The following TBX3 variants were observed in gnomAD, a reference collection of about 807,000 sequenced individuals.
The protein encoded by TBX3 is T-box transcription factor 3, also known as T-box transcription factor TBX3.
A neutral mutation model predicts 47.8 loss-of-function variants in TBX3; 11 were observed. The ratio of observed to expected loss-of-function variants is 0.23; its 90% CI spans 0.14 to 0.38. The LOEUF is 0.38. Ranked by LOEUF, TBX3 falls within the 10% of genes least tolerant of loss-of-function variation. The pLI is 1.00. For missense variants in TBX3, 927 were observed against 1,022.8 expected (o/e 0.91, Z 1.28); for synonymous variants, 500 against 449.3 (o/e 1.11, Z -1.43).
At position 114,680,882 on chromosome 12, in the gene TBX3, T is replaced by C. The variant is rs1457169524; in HGVS notation, c.654A>G (p.Gly218=). The C allele has an allele frequency of 3.7e-6, 6 of 1,613,988 alleles. No individual in the cohort carries two copies. Among genetic ancestry groups the C allele is most frequent in the East Asian group, 4.5e-5 (2 of 44,886 alleles). Residue 218 remains glycine (G), a synonymous_variant, in exon 2 of 7, where the codon GGA becomes GGG. Coordinates refer to ENST00000349155, the MANE Select transcript of TBX3 (RefSeq NM_005996.4). ...TGAAGAGAGCAATGAAACTTACAAA[T>C]CCATGTTTGTCTGAAATGTTGTTGG... is the stretch of plus-strand genomic sequence containing the variant. The part of the protein sequence containing the change: ...KLTNNISDKH[G]FTILNSMHKY...
At chr12:114,680,035 AC>A in intron 2 of TBX3, 3 of 1,557,654 alleles carry the variant, frequency 1.9e-6, no homozygotes, top group Non-Finnish European at 2.7e-6. Flanking sequence ...TTAAGCGCCC[AC>A]TAATTGACGA....
intron 2 of TBX3, chr12:114,680,110 A>C: frequency 1.2e-6 from 1 of 845,302 alleles, no homozygotes; most frequent in Non-Finnish European, 1.9e-6. Flanking sequence ...CCTTAATCAA[A>C]TCAAGGGCTT....
In TBX3 at chr12:114,677,512, A is replaced by T. The variant is rs184878027; in HGVS notation, c.881+68T>A. 8.1e-6 allele frequency: 12 copies of T among 1,484,790 alleles called. No homozygotes were observed. The Admixed American group carries it at 1.9e-4, about 23-fold the overall frequency. The allele number at this position is 1,484,790 out of a possible 1,614,324, so 92.0% of individuals were successfully genotyped here. A position where few individuals can be genotyped will look rare whatever the true frequency, so the allele number is the denominator to read the frequency against. On this transcript the variant is annotated intron_variant, in intron 4 of 6. Coordinates refer to ENST00000349155, the MANE Select transcript of TBX3 (RefSeq NM_005996.4). ...TAAGTGCCTGCATCTCACTTCTAAC[A>T]CTTCAGAGTTGGATCCTAAAAAAAG...
Position 114,683,226 on chromosome 12 carries a change from C to T in TBX3, c.-26G>A. 4 of 1,605,808 alleles carry T rather than the reference C, an allele frequency of 2.5e-6. No individual in the cohort carries two copies. Among genetic ancestry groups the T allele is most frequent in the Non-Finnish European group, 3.4e-6 (4 of 1,175,114 alleles). On this transcript the variant is annotated 5_prime_UTR_variant, in exon 1 of 7. Transcript: ENST00000349155. This position sits in a 1 kb window ranked among gnomAD's most constrained non-coding sequence, Gnocchi z 7.7. ...CCACTCCAGGCGGGGCGCTGGGCTC[C>T]AGCCGGGGACAAGTCCGCAGCTGCT...
chr12:114,672,443 T>G, intron 6 of TBX3, 141 bp from the exon 7 acceptor site: 1 of 495,040 alleles, frequency 2.0e-6, no homozygotes, highest in Non-Finnish European at 3.1e-6. Flanking sequence ...TGTGTTTTTT[T>G]TTTTGGGGGG....
chr12:114,678,467 G>T (rs1024495464), intron 3 of TBX3, among the ~76,000 whole-genome samples: 1 of 152,150 alleles, frequency 6.6e-6, no homozygotes, highest in African/African-American at 2.4e-5. Context: ...GGGGACCCTT[G>T]GTTGGATTCA....
chr12:114,675,484 T>G (rs1453110524), intron 5 of TBX3, among the ~76,000 whole-genome samples: 1 of 152,182 alleles, frequency 6.6e-6, no homozygotes, highest in Admixed American at 6.5e-5. Context: ...CGATCATAGA[T>G]TCTTTTTTCG....
In TBX3 at chr12:114,671,682, T is replaced by C. The variant is rs1021792944; in HGVS notation, c.*159A>G. ...AACCACGCCAAGAAGACAGGGGCTG[T>C]CTCTAGCACATTCTCTCGAGGGAGT... On this transcript the variant is annotated 3_prime_UTR_variant, in exon 7 of 7. Transcript: ENST00000349155. The C allele has an allele frequency of 1.2e-6, 1 of 856,404 alleles. No individual in the cohort carries two copies. Among genetic ancestry groups the C allele is most frequent in the Non-Finnish European group, 1.9e-6 (1 of 535,714 alleles). 53.1% of individuals were successfully genotyped at this position (856,404 alleles called of 1,614,324 possible).
chr12:114,676,726 G>C (rs1356488150), intron 4 of TBX3, among the ~76,000 whole-genome samples: 1 of 152,234 alleles, frequency 6.6e-6, no homozygotes, highest in African/African-American at 2.4e-5. Context: ...ATTTATTCAA[G>C]ATGGGGTTTC....
chr12:114,678,776 C>T (rs1382955037), intron 3 of TBX3, among the ~76,000 whole-genome samples: 3 of 152,148 alleles, frequency 2.0e-5, no homozygotes, highest in African/African-American at 7.2e-5. Flanking sequence ...TTTTTCTGTG[C>T]CCATGACCTT....
chr12:114,684,039 G>GA lies in TBX3; in HGVS notation c.-840dup, dbSNP rs1325117126. ...GCAGGGCAGGGAGGATTTAGAGGGG[G>GA]AAAAAATGGAACAGAGGGAAAGAGA... On this transcript the variant is annotated 5_prime_UTR_variant, in exon 1 of 7. Coordinates refer to ENST00000349155, the MANE Select transcript of TBX3 (RefSeq NM_005996.4). The GA allele has an allele frequency of 2.6e-5, 6 of 228,806 alleles. No homozygotes were observed. The highest frequency in any genetic ancestry group is 1.8e-4 in the South Asian group (1 of 5,444). The allele number at this position is 228,806 out of a possible 1,614,324, so 14.2% of individuals were successfully genotyped here. A position where few individuals can be genotyped will look rare whatever the true frequency, so the allele number is the denominator to read the frequency against.
chr12:114,676,177 TGGC>T, intron 5 of TBX3, 133 bp downstream of exon 5: 6 of 1,144,546 alleles, frequency 5.2e-6, no homozygotes, highest in Admixed American at 4.4e-5. Context: ...TTTTGAACTC[TGGC>T]TTCTGTTTAA....
intron 3 of TBX3, among the ~76,000 whole-genome samples, chr12:114,678,019 TTCAC>T (rs992611045): frequency 1.8e-5 from 2 of 108,568 alleles, no homozygotes; most frequent in African/African-American, 6.9e-5. Context: ...GCATACTCCC[TTCAC>T]ACACACACAC....
In TBX3 at chr12:114,674,271, C is replaced by T. The variant is rs2121382322; in HGVS notation, c.1604G>A (p.Gly535Asp). 6.3e-7 allele frequency: 1 copy of T among 1,580,266 alleles called. No individual in the cohort carries two copies. The highest frequency in any genetic ancestry group is 8.6e-7 in the Non-Finnish European group (1 of 1,163,492). Residue 535 changes from glycine to aspartate, a missense_variant, in exon 6 of 7, where the codon GGC becomes GAC. Gly to Asp is a moderately conservative substitution (Grantham distance 94). Coordinates refer to ENST00000349155, the MANE Select transcript of TBX3 (RefSeq NM_005996.4). ...AGAGGCCATGGCCGTGGAATCCAGGCCCGAGACACCGGTGGAGGCCCCAGA... is the reference window on the plus strand; with the variant it reads ...AGAGGCCATGGCCGTGGAATCCAGGTCCGAGACACCGGTGGAGGCCCCAGA... ...TVSGASTGVSGLDSTAMASAA... is the reference protein window; with the variant it reads ...TVSGASTGVSDLDSTAMASAA...
intron 4 of TBX3, 104 bp downstream of exon 4, chr12:114,677,476 C>T (rs571136363): frequency 2.4e-5 from 27 of 1,112,612 alleles, no homozygotes; most frequent in East Asian, 1.0e-4. Context: ...GATTTCCACC[C>T]GCTCTTAGGA....
chr12:114,677,535 A>C, intron 4 of TBX3, 45 bp downstream of exon 4: 1 of 1,593,896 alleles, frequency 6.3e-7, no homozygotes, highest in Non-Finnish European at 8.6e-7. Context: ...ATCCTAAAAA[A>C]AGGGATTTTT....
chr12:114,671,700 G>C lies in TBX3; in HGVS notation c.*141C>G. On this transcript the variant is annotated 3_prime_UTR_variant, in exon 7 of 7. Transcript: ENST00000349155. ...GGGGCTGTCTCTAGCACATTCTCTC[G>C]AGGGAGTCCGGGGCCCCTTCCCAGA... 1 of 998,972 alleles carries C rather than the reference G, an allele frequency of 1.0e-6. No homozygotes were observed. Among genetic ancestry groups the C allele is most frequent in the Non-Finnish European group, 1.5e-6 (1 of 655,450 alleles). The allele number at this position is 998,972 out of a possible 1,614,324, so 61.9% of individuals were successfully genotyped here.
chr12:114,680,865 G>C lies in TBX3; in HGVS notation c.657+14C>G. The C allele has an allele frequency of 1.2e-6, 2 of 1,614,166 alleles. No homozygotes were observed. The highest frequency in any genetic ancestry group is 1.7e-6 in the Non-Finnish European group (2 of 1,180,028). On this transcript the variant is annotated intron_variant, in intron 2 of 6. Coordinates refer to ENST00000349155, the MANE Select transcript of TBX3 (RefSeq NM_005996.4). ...GGAGGAGAAAATTTTACTGAAGAGA[G>C]CAATGAAACTTACAAATCCATGTTT...
Position 114,671,817 on chromosome 12 carries a change from T to C in TBX3, c.*24A>G. The stretch of plus-strand genomic sequence containing the variant: ...CACGGCAGCCTGAACTGGACTGGAA[T>C]GAAAAGACGTGTCTGGGACGGGTCT... On this transcript the variant is annotated 3_prime_UTR_variant, in exon 7 of 7. Transcript: ENST00000349155. 3.2e-6 allele frequency: 5 copies of C among 1,550,196 alleles called. No individual in the cohort carries two copies. Among genetic ancestry groups the C allele is most frequent in the Non-Finnish European group, 1.7e-6 (2 of 1,147,300 alleles).
Sources: gnomAD v4.1 joint callset for allele counts (sites outside exome capture counted in the v4.1 genomes callset) on GRCh38, gnomAD v4.1.1 for gene constraint, Gnocchi (gnomAD v3.1) non-coding constraint, MANE v1.5 for transcripts, NCBI Gene and HGNC (gene_info 2026-07-23, HGNC 2026-07-21) for gene names.